SYNPR: variants seen among roughly 807,000 people sequenced by gnomAD.
The protein encoded by SYNPR is synaptoporin.
A neutral mutation model predicts 32.9 loss-of-function variants in SYNPR; 23 were observed. The ratio of observed to expected loss-of-function variants is 0.70; its 90% CI spans 0.50 to 0.99. The LOEUF is 0.99. Among genes scored for constraint, SYNPR ranks in the 50% least tolerant of loss-of-function variants. The pLI is 0.00. For missense variants in SYNPR, 318 were observed against 349.3 expected (o/e 0.91, Z 0.71); for synonymous variants, 146 against 135.9 (o/e 1.07, Z -0.52).
intron 2 of SYNPR, among the ~76,000 whole-genome samples, chr3:63,479,575 A>G (rs1701004843): frequency 6.6e-6 from 1 of 152,114 alleles, no homozygotes; most frequent in African/African-American, 2.4e-5. Flanking sequence ...AGACAAAACA[A>G]TTCTGAGGCT....
At chr3:63,542,016 T>C (rs544160059) in intron 3 of SYNPR, among the ~76,000 whole-genome samples, 8 of 152,234 alleles carry the variant, frequency 5.3e-5, no homozygotes, top group African/African-American at 1.9e-4. Context: ...ATAAAAGTTA[T>C]ATGAGCCATT....
chr3:63,268,257 C>T (rs2086507667), intron 3 of SYNPR, among the ~76,000 whole-genome samples: 1 of 152,188 alleles, frequency 6.6e-6, no homozygotes, highest in African/African-American at 2.4e-5. Context: ...GATAGCTGAT[C>T]AAATCAATTG....
At chr3:63,410,260 C>T (rs1016318982) in intron 2 of SYNPR, among the ~76,000 whole-genome samples, 7 of 152,106 alleles carry the variant, frequency 4.6e-5, no homozygotes, top group Non-Finnish European at 8.8e-5. Flanking sequence ...GGTATTTTGT[C>T]CACTGAAATC....
chr3:63,479,242 C>T (rs1204147578), intron 2 of SYNPR, among the ~76,000 whole-genome samples: 1 of 152,128 alleles, frequency 6.6e-6, no homozygotes, highest in African/African-American at 2.4e-5. Flanking sequence ...TGGCCTGGAA[C>T]ATCTTATTAA....
At chr3:63,466,068 C>A (rs1700671959) in intron 2 of SYNPR, among the ~76,000 whole-genome samples, 1 of 152,162 alleles carries the variant, frequency 6.6e-6, no homozygotes, top group Non-Finnish European at 1.5e-5. Context: ...CTACTCTCTA[C>A]TCTCTGAAAG....
At chr3:63,368,980 G>A (rs1055630970) in intron 2 of SYNPR, among the ~76,000 whole-genome samples, 22 of 152,312 alleles carry the variant, frequency 1.4e-4, no homozygotes, top group Middle Eastern at 6.8e-3. Flanking sequence ...CATGGTCTGT[G>A]TTATGAGCTA....
chr3:63,290,628 C>T (rs9311869), intron 2 of SYNPR, among the ~76,000 whole-genome samples: 70,564 of 151,900 alleles, frequency 0.46, 16,564 homozygotes, highest in Middle Eastern at 0.52. Context: ...TTCAGAAATA[C>T]GTTGTTGAAA....
chr3:63,367,342 ATTATTTAT>A (rs3081092), intron 2 of SYNPR, among the ~76,000 whole-genome samples: 28 of 143,684 alleles, frequency 1.9e-4, no homozygotes, highest in Middle Eastern at 3.6e-3. Context: ...TCACTGTTGA[ATTATTTAT>A]TTATTTATTT....
the SYNPR span, among the ~76,000 whole-genome samples, chr3:63,218,805 G>A: frequency 1.3e-5 from 2 of 152,150 alleles, no homozygotes; most frequent in Non-Finnish European, 1.5e-5. Flanking sequence ...TGAGCTCTCC[G>A]GGAGGGCTGA....
At position 63,265,241 on chromosome 3, in the gene SYNPR, C is replaced by CTTTTTTTTTTTTTTTTTTTTTTTTT. The variant is rs71126590; in HGVS notation, n.155-2074_155-2050dup. 3.9e-5 allele frequency among the ~76,000 whole-genome samples: 4 copies of CTTTTTTTTTTTTTTTTTTTTTTTTT among 102,214 alleles called. 1 individual carries two copies. Among genetic ancestry groups the CTTTTTTTTTTTTTTTTTTTTTTTTT allele is most frequent in the Non-Finnish European group, 5.7e-5 (3 of 52,572 alleles). 67.1% of individuals were successfully genotyped at this position (102,214 alleles called of 152,430 possible). ...TGGCAATTTGGTTTCTAATGACATT[C>CTTTTTTTTTTTTTTTTTTTTTTTTT]TTTTTTTTTTTTTTTTTTTTTTTTT... On this transcript the variant is annotated intron_variant and non_coding_transcript_variant, in intron 2 of 4. Transcript: ENST00000478456.
intron 4 of SYNPR, among the ~76,000 whole-genome samples, chr3:63,564,650 G>C (rs1357177909): frequency 6.6e-6 from 1 of 152,208 alleles, no homozygotes; most frequent in Non-Finnish European, 1.5e-5. Flanking sequence ...TGGCAGCACA[G>C]ATGAAGGCAA....
At chr3:63,436,914 T>C (rs1398695160) in intron 2 of SYNPR, among the ~76,000 whole-genome samples, 2 of 152,282 alleles carry the variant, frequency 1.3e-5, no homozygotes, top group South Asian at 2.1e-4. Flanking sequence ...TCTTGCTCTG[T>C]TGCCCGGGCT....
At chr3:63,233,799 C>A (rs962489480) in intron 1 of SYNPR, among the ~76,000 whole-genome samples, 1 of 152,128 alleles carries the variant, frequency 6.6e-6, no homozygotes, top group African/African-American at 2.4e-5. Context: ...GATATGCAAT[C>A]CAAATAAAAC....
chr3:63,346,092 G>C (rs1460473565), intron 2 of SYNPR, among the ~76,000 whole-genome samples: 2 of 152,128 alleles, frequency 1.3e-5, no homozygotes, highest in African/African-American at 4.8e-5. Flanking sequence ...TAGGATTACA[G>C]GTGTGAGCCA....
chr3:63,256,922 G>T (rs192206404), intron 2 of SYNPR, among the ~76,000 whole-genome samples: 2 of 152,184 alleles, frequency 1.3e-5, no homozygotes, highest in East Asian at 3.8e-4. Flanking sequence ...CGTGACGAAT[G>T]CACAAGCCTC....
At chr3:63,293,981 G>C (rs1030639989) in intron 2 of SYNPR, among the ~76,000 whole-genome samples, 17 of 152,110 alleles carry the variant, frequency 1.1e-4, no homozygotes, top group African/African-American at 3.1e-4. Context: ...TAACAAATGG[G>C]TTCCTAGAAG....
At chr3:63,276,987 T>C (rs1288882386), upstream of SYNPR, among the ~76,000 whole-genome samples, 1 of 152,082 alleles carries the variant, frequency 6.6e-6, no homozygotes, top group Non-Finnish European at 1.5e-5. Flanking sequence ...ACTATCTGTG[T>C]TGCTGGGAGA....
intron 2 of SYNPR, among the ~76,000 whole-genome samples, chr3:63,308,363 T>C (rs1000036588): frequency 6.6e-6 from 1 of 152,028 alleles, no homozygotes; most frequent in African/African-American, 2.4e-5. Context: ...AACAACTCGA[T>C]TGAGATATAA....
At chr3:63,410,340 A>T (rs1214291790) in intron 2 of SYNPR, among the ~76,000 whole-genome samples, 1 of 152,154 alleles carries the variant, frequency 6.6e-6, no homozygotes, top group African/African-American at 2.4e-5. Flanking sequence ...TATGCACTGA[A>T]ATACTGCTTT....
Sources: allele counts gnomAD v4.1 joint callset (sites outside exome capture counted in the v4.1 genomes callset), GRCh38; gene constraint gnomAD v4.1.1; transcripts MANE v1.5; gene names NCBI Gene and HGNC (gene_info 2026-07-23, HGNC 2026-07-21).